The following USP21 variants were observed in gnomAD, a reference collection of about 807,000 sequenced individuals.
USP21 encodes ubiquitin carboxyl-terminal hydrolase 21.
USP21 carries 37 observed loss-of-function variants against 70.8 expected under a neutral mutation model. That is an observed-to-expected ratio of 0.52 (90% CI 0.40 to 0.69). The LOEUF is 0.69. Among genes scored for constraint, USP21 ranks in the 30% least tolerant of loss-of-function variants. USP21 has a pLI of 0.00. For missense variants in USP21, 584 were observed against 740.8 expected (o/e 0.79, Z 2.46); for synonymous variants, 263 against 283.1 (o/e 0.93, Z 0.71).
At chr1:161,159,718 G>T (rs977994735) in intron 1 of USP21, 40 bp downstream of exon 1, 1 of 152,334 alleles carries the variant, frequency 6.6e-6, no homozygotes, top group Non-Finnish European at 1.5e-5. Flanking sequence ...GGTGTGGGGG[G>T]GCGCAGAGGG....
At position 161,164,776 on chromosome 1, in the gene USP21, T is replaced by C; in HGVS notation, c.1385-59T>C. 2 of 1,597,778 alleles carry C rather than the reference T, an allele frequency of 1.3e-6. No homozygotes were observed. The highest frequency in any genetic ancestry group is 1.1e-5 in the South Asian group (1 of 89,460). On this transcript the variant is annotated intron_variant, in intron 11 of 13. Transcript: ENST00000368002. This position sits in a 1 kb window ranked among gnomAD's most constrained non-coding sequence, Gnocchi z 4.2. ...AGTGGGGAGAGGACAGCTTTCAGGA[T>C]AGAAGAAGTTCCCCTCAGAGGCCCA...
At position 161,160,436 on chromosome 1, in the gene USP21, T is replaced by C. The variant is rs1657814762; in HGVS notation, c.-92T>C. On this transcript the variant is annotated 5_prime_UTR_variant, in exon 2 of 14. Transcript: ENST00000368002. Reference sequence around the variant, plus strand: ...TCAGTGCGTATACTGCTCCCCACTTTCGTTGATGTGGTAGTGGTGATGACT... The same window carrying C: ...TCAGTGCGTATACTGCTCCCCACTTCCGTTGATGTGGTAGTGGTGATGACT... The C allele has an allele frequency of 3.0e-6, 2 of 661,360 alleles. No homozygotes were observed. The highest frequency in any genetic ancestry group is 5.5e-6 in the Non-Finnish European group (2 of 366,758). 41.0% of individuals were successfully genotyped at this position (661,360 alleles called of 1,614,324 possible). A position where few individuals can be genotyped will look rare whatever the true frequency, so the allele number is the denominator to read the frequency against.
In USP21 at chr1:161,160,447, G is replaced by A. The variant is rs1217388792; in HGVS notation, c.-81G>A. The A allele has an allele frequency of 7.2e-6, 5 of 692,156 alleles. No homozygotes were observed. Among genetic ancestry groups the A allele is most frequent in the South Asian group, 7.0e-5 (4 of 57,348 alleles). The allele number at this position is 692,156 out of a possible 1,614,324, so 42.9% of individuals were successfully genotyped here. On this transcript the variant is annotated 5_prime_UTR_variant, in exon 2 of 14. It introduces an in-frame stop codon into an upstream open reading frame of the 5' UTR. Transcript: ENST00000368002. ...ACTGCTCCCCACTTTCGTTGATGTG[G>A]TAGTGGTGATGACTGAGCCAACCAC... is the stretch of plus-strand genomic sequence containing the variant.
In USP21 at chr1:161,164,146, C is replaced by A. The variant is rs1477596954; in HGVS notation, c.1219-18C>A. On this transcript the variant is annotated intron_variant, in intron 9 of 13. Transcript: ENST00000368002. The surrounding 1 kb of genome is among the most constrained non-coding windows in gnomAD (Gnocchi z 4.2). The stretch of plus-strand genomic sequence containing the variant: ...GGAAATTCAGAACATGTTGACCTTT[C>A]TTCCCCTTTTCCCCCAGAAAGGATT... The A allele has an allele frequency of 2.5e-6, 4 of 1,612,714 alleles. No individual in the cohort carries two copies. The highest frequency in any genetic ancestry group is 3.3e-5 in the Admixed American group (2 of 59,972).
rs1237443922 is a variant in USP21 at position 161,163,972 on chromosome 1, C to T, written c.1209C>T (p.Pro403=). The T allele has an allele frequency of 6.2e-7, 1 of 1,614,136 alleles. No homozygotes were observed. Among genetic ancestry groups the T allele is most frequent in the South Asian group, 1.1e-5 (1 of 91,084 alleles). ...TFEVFCDLSL[P]IPKKGFAGGK... ...AGGTTTTTTGTGACCTGTCCCTGCC[C>T]ATCCCCAAGGTGGGATTCCAGAGGA... The change falls in exon 9 of 14, where the codon CCC becomes CCT. Residue 403 remains proline, a synonymous_variant. Transcript: ENST00000368002.
chr1:161,160,766 C>T lies in USP21; in HGVS notation c.126C>T (p.Ala42=), dbSNP rs773739033. The part of the protein sequence containing the change: ...RARSKERRNP[A]SGPNPMLRPL... ...GCAGCAAGGAGCGCAGAAACCCAGC[C>T]TCTGGGCCAAACCCCATGTTACGAC... Residue 42 remains alanine, a synonymous_variant, in exon 3 of 14, where the codon GCC becomes GCT. Coordinates refer to ENST00000368002, the MANE Select transcript of USP21 (RefSeq NM_001014443.3). 3.7e-6 allele frequency: 6 copies of T among 1,614,200 alleles called. No individual in the cohort carries two copies. The highest frequency in any genetic ancestry group is 5.1e-6 in the Non-Finnish European group (6 of 1,180,044).
chr1:161,162,770 G>C lies in USP21; in HGVS notation c.893+44G>C. The C allele has an allele frequency of 6.3e-7, 1 of 1,582,074 alleles. No individual in the cohort carries two copies. Among genetic ancestry groups the C allele is most frequent in the Non-Finnish European group, 8.7e-7 (1 of 1,150,982 alleles). ...ATGGGATTTCTCTCTGGCCATGTCT[G>C]GGGGTAGGGCCAAGCAAGGGCCCTG... On this transcript the variant is annotated intron_variant, in intron 6 of 13. Coordinates refer to ENST00000368002, the MANE Select transcript of USP21 (RefSeq NM_001014443.3). The surrounding 1 kb of genome is among the most constrained non-coding windows in gnomAD (Gnocchi z 4.1).
At chr1:161,163,677 G>C (rs1170776253) in intron 8 of USP21, 58 bp downstream of exon 8, 4 of 1,498,698 alleles carry the variant, frequency 2.7e-6, no homozygotes, top group African/African-American at 1.4e-5. Context: ...GTACAGGCTT[G>C]GGGGGAAAAA....
Position 161,160,788 on chromosome 1 carries a change from C to T in USP21, c.148C>T (p.Arg50Ter), listed in dbSNP as rs749277844. ...NPASGPNPML[R>*]PLPPRPGLPD... ...AGCCTCTGGGCCAAACCCCATGTTA[C>T]GACCTCTGCCTCCCCGGCCAGGTCT... Residue 50 changes from arginine (R) to a stop codon, truncating the protein, a stop_gained, in exon 3 of 14, where the codon CGA becomes TGA. Transcript: ENST00000368002. LOFTEE classifies it high-confidence loss of function. 3.1e-6 allele frequency: 5 copies of T among 1,614,224 alleles called. No homozygotes were observed. Among genetic ancestry groups the T allele is most frequent in the Non-Finnish European group, 4.2e-6 (5 of 1,180,050 alleles).
At position 161,165,614 on chromosome 1, in the gene USP21, G is replaced by T. The variant is rs1658650416; in HGVS notation, c.*167G>T. 1 of 586,608 alleles carries T rather than the reference G, an allele frequency of 1.7e-6. No homozygotes were observed. Among genetic ancestry groups the T allele is most frequent in the Admixed American group, 3.0e-5 (1 of 33,664 alleles). The allele number at this position is 586,608 out of a possible 1,614,324, so 36.3% of individuals were successfully genotyped here. A position where few individuals can be genotyped will look rare whatever the true frequency, so the allele number is the denominator to read the frequency against. ...TTAAAAAATACCCTTCCACCTGGAG[G>T]CTCCCTTGTCTCCCAGCCCCATGTA... On this transcript the variant is annotated 3_prime_UTR_variant, in exon 14 of 14. Coordinates refer to ENST00000368002, the MANE Select transcript of USP21 (RefSeq NM_001014443.3).
rs1361137900 is a variant in USP21, at chr1:161,164,247, C to T, written c.1302C>T (p.Ala434=). Residue 434 remains alanine (A), a synonymous_variant, in exon 10 of 14, where the codon GCC becomes GCT. Coordinates refer to ENST00000368002, the MANE Select transcript of USP21 (RefSeq NM_001014443.3). The surrounding 1 kb of genome is among the most constrained non-coding windows in gnomAD (Gnocchi z 4.2). The part of the protein sequence containing the change: ...TKEEELESEN[A]PVCDRCRQKT... ...AAGAAGAGCTAGAGTCGGAGAATGCCCCAGTATGTGGAGGTTCACAAGGGA... is the reference window on the plus strand; with the variant it reads ...AAGAAGAGCTAGAGTCGGAGAATGCTCCAGTATGTGGAGGTTCACAAGGGA... 1.2e-6 allele frequency: 2 copies of T among 1,614,070 alleles called. No individual in the cohort carries two copies. Among genetic ancestry groups the T allele is most frequent in the Non-Finnish European group, 1.7e-6 (2 of 1,180,000 alleles).
chr1:161,165,442 C>A lies in USP21; in HGVS notation c.1693C>A (p.Leu565Met). 6.2e-7 allele frequency: 1 copy of A among 1,613,692 alleles called. No individual in the cohort carries two copies. ...ACTGATGCAGGAGCCACCCCGGTGCCTGTGACACCTCTAAGCTCTGGCACC... is the reference window on the plus strand; with the variant it reads ...ACTGATGCAGGAGCCACCCCGGTGCATGTGACACCTCTAAGCTCTGGCACC... ...YQLMQEPPRCL is the reference protein window; with the variant it reads ...YQLMQEPPRCM Residue 565 changes from leucine (L) to methionine (M), a missense_variant, in exon 14 of 14, where the codon CTG becomes ATG. By Grantham distance (15) the Leu-to-Met change is conservative (BLOSUM62 2). Around this residue, in one of 4 missense-constraint regions of USP21, gnomAD observed 173 missense variants for 268.2 expected, o/e 0.65. Transcript: ENST00000368002.
chr1:161,161,350 C>T lies in USP21; in HGVS notation c.600+110C>T. On this transcript the variant is annotated intron_variant, in intron 3 of 13. Coordinates refer to ENST00000368002, the MANE Select transcript of USP21 (RefSeq NM_001014443.3). This position sits in a 1 kb window ranked among gnomAD's most constrained non-coding sequence, Gnocchi z 4.2. Reference sequence around the variant, plus strand: ...CCCTGAAGTTCCTTTCTCAGCCCTTCATTACAGCAGTTTGGACATGCCTCT... The same window carrying T: ...CCCTGAAGTTCCTTTCTCAGCCCTTTATTACAGCAGTTTGGACATGCCTCT... 1 of 1,379,210 alleles carries T rather than the reference C, an allele frequency of 7.3e-7. No individual in the cohort carries two copies. Among genetic ancestry groups the T allele is most frequent in the Non-Finnish European group, 9.8e-7 (1 of 1,023,898 alleles). The allele number at this position is 1,379,210 out of a possible 1,614,324, so 85.4% of individuals were successfully genotyped here. A position where few individuals can be genotyped will look rare whatever the true frequency, so the allele number is the denominator to read the frequency against.
rs770506309 is a variant in USP21 at position 161,160,670 on chromosome 1, C to A, written c.30C>A (p.Gly10=). 2 of 1,614,010 alleles carry A rather than the reference C, an allele frequency of 1.2e-6. No homozygotes were observed. The highest frequency in any genetic ancestry group is 3.3e-5 in the Admixed American group (2 of 60,024). Residue 10 remains glycine (G), a synonymous_variant, in exon 3 of 14, where the codon GGC becomes GGA. Transcript: ENST00000368002. MPQASEHRL[G]RTREPPVNIQ... is the part of the protein sequence containing the mutation. ...CCCAGGCCTCTGAGCACCGCCTGGG[C>A]CGTACCCGAGAGCCACCTGTTAATA...
chr1:161,164,972 C>T lies in USP21; in HGVS notation c.1492+30C>T, dbSNP rs1250091572. The T allele has an allele frequency of 1.2e-6, 2 of 1,613,128 alleles. No homozygotes were observed. The highest frequency in any genetic ancestry group is 2.7e-5 in the African/African-American group (2 of 74,870). ...GTCTGGTGGGGAAAGTCCTAAGGAG[C>T]CAAAGGAGTGGGGGCACAGCTCTGA... On this transcript the variant is annotated intron_variant, in intron 12 of 13. Coordinates refer to ENST00000368002, the MANE Select transcript of USP21 (RefSeq NM_001014443.3). This position sits in a 1 kb window ranked among gnomAD's most constrained non-coding sequence, Gnocchi z 4.2.
Position 161,165,551 on chromosome 1 carries a change from G to T in USP21, c.*104G>T, listed in dbSNP as rs1009811926. On this transcript the variant is annotated 3_prime_UTR_variant, in exon 14 of 14. Coordinates refer to ENST00000368002, the MANE Select transcript of USP21 (RefSeq NM_001014443.3). ...ATTTTTGTGTCTTTTTAATCGGGGA[G>T]GGGGGAGGGGGTGGTTGTAGCTCCA... The T allele has an allele frequency of 4.5e-6, 2 of 441,956 alleles. No homozygotes were observed. Among genetic ancestry groups the T allele is most frequent in the South Asian group, 2.2e-5 (1 of 45,322 alleles). The allele number at this position is 441,956 out of a possible 1,614,324, so 27.4% of individuals were successfully genotyped here. A position where few individuals can be genotyped will look rare whatever the true frequency, so the allele number is the denominator to read the frequency against.
In USP21 at chr1:161,161,971, G is replaced by A. The variant is rs1179247456; in HGVS notation, c.601-67G>A. The stretch of plus-strand genomic sequence containing the variant: ...GGATGGGGGAGGCAGTGGGCAGCAT[G>A]CTGTTGAAAGGTTAAAGTGCCAGGT... On this transcript the variant is annotated intron_variant, in intron 3 of 13. Coordinates refer to ENST00000368002, the MANE Select transcript of USP21 (RefSeq NM_001014443.3). The surrounding 1 kb of genome is among the most constrained non-coding windows in gnomAD (Gnocchi z 4.2). 4.7e-6 allele frequency: 7 copies of A among 1,475,014 alleles called. No individual in the cohort carries two copies. Among genetic ancestry groups the A allele is most frequent in the South Asian group, 1.1e-5 (1 of 88,234 alleles). The allele number at this position is 1,475,014 out of a possible 1,614,324, so 91.4% of individuals were successfully genotyped here.
chr1:161,165,469 G>C lies in USP21; in HGVS notation c.*22G>C. ...GTGACACCTCTAAGCTCTGGCACCTGTGAAGCCCTTTAAACACCCTTAAGC... is the reference window on the plus strand; with the variant it reads ...GTGACACCTCTAAGCTCTGGCACCTCTGAAGCCCTTTAAACACCCTTAAGC... On this transcript the variant is annotated 3_prime_UTR_variant, in exon 14 of 14. Transcript: ENST00000368002. 6.3e-7 allele frequency: 1 copy of C among 1,594,362 alleles called. No individual in the cohort carries two copies. Among genetic ancestry groups the C allele is most frequent in the Non-Finnish European group, 8.6e-7 (1 of 1,162,726 alleles).
rs749801465 is a variant in USP21, at chr1:161,165,366, T to C, written c.1617T>C (p.Pro539=). The change falls in exon 14 of 14, where the codon CCT becomes CCC. Residue 539 remains proline, a synonymous_variant. Transcript: ENST00000368002. ...TCTCCTTTTTTCCTAGTGTCTCCCC[T>C]GTCAGTGAAAACCAGGTGGCATCCA... The part of the protein sequence containing the change: ...WHVYNDSRVS[P]VSENQVASSE... 1.6e-5 allele frequency: 26 copies of C among 1,613,916 alleles called. No individual in the cohort carries two copies. Among genetic ancestry groups the C allele is most frequent in the African/African-American group, 8.0e-5 (6 of 74,874 alleles).
Sources: allele counts gnomAD v4.1 joint callset, GRCh38; gene constraint gnomAD v4.1.1; regional missense constraint gnomAD v4.1.1; non-coding constraint Gnocchi (gnomAD v3.1); transcripts MANE v1.5; gene names NCBI Gene and HGNC (gene_info 2026-07-23, HGNC 2026-07-21).